The following PRELID2 variants were observed in gnomAD, a reference collection of about 807,000 sequenced individuals.
PRELID2 encodes the protein PRELI domain containing 2.
A neutral mutation model predicts 28.4 loss-of-function variants in PRELID2; 25 were observed. That is an observed-to-expected ratio of 0.88 (90% CI 0.64 to 1.23). The LOEUF is 1.23. Ranked by LOEUF, PRELID2 falls within the 50% of genes most tolerant of loss-of-function variation. The probability of loss-of-function intolerance (pLI) is 0.00; values close to 1 mark genes in which losing one functional copy is unlikely to be tolerated. For missense variants in PRELID2, 201 were observed against 214.4 expected (o/e 0.94, Z 0.39); for synonymous variants, 76 against 71.6 (o/e 1.06, Z -0.31).
At position 145,692,210 on chromosome 5, in the gene PRELID2, T is replaced by C. The variant is rs1233007976; in HGVS notation, n.70+72721A>G. Among the ~76,000 whole-genome samples the C allele has an allele frequency of 1.1e-4, 17 of 152,292 alleles. No individual in the cohort carries two copies. The East Asian group carries it at 2.3e-3, about 21-fold the overall frequency. On this transcript the variant is annotated intron_variant and non_coding_transcript_variant, in intron 1 of 2. Transcript: ENST00000510259. ...GGCATTTATAACAGTGCTGAGCACATAGTATGCTCAATTAATGCTTATTGA... is the reference window on the plus strand; with the variant it reads ...GGCATTTATAACAGTGCTGAGCACACAGTATGCTCAATTAATGCTTATTGA...
intron 1 of PRELID2, among the ~76,000 whole-genome samples, chr5:145,512,582 C>T (rs1372761128): frequency 1.3e-5 from 2 of 152,190 alleles, no homozygotes; most frequent in Non-Finnish European, 2.9e-5. Flanking sequence ...AATGTTCTTG[C>T]CTGCCAGCTC....
the PRELID2 span, among the ~76,000 whole-genome samples, chr5:145,402,000 T>G: frequency 6.6e-6 from 1 of 152,264 alleles, no homozygotes; most frequent in East Asian, 1.9e-4. Flanking sequence ...GCCACAACCA[T>G]AGTTGATTAT....
At chr5:145,399,060 G>A in the PRELID2 span, among the ~76,000 whole-genome samples, 2 of 152,070 alleles carry the variant, frequency 1.3e-5, no homozygotes, top group Non-Finnish European at 2.9e-5. Flanking sequence ...GAAGTGGAGG[G>A]CTAACCCAAG....
At chr5:145,808,430 GC>G (rs1753680001) in intron 4 of PRELID2, among the ~76,000 whole-genome samples, 1 of 152,148 alleles carries the variant, frequency 6.6e-6, no homozygotes, top group Non-Finnish European at 1.5e-5. Context: ...CTCAGCACAT[GC>G]AAATTATACT....
rs557103968 is a variant in PRELID2 at position 145,512,519 on chromosome 5, C to T, written n.71-39204G>A. On this transcript the variant is annotated intron_variant and non_coding_transcript_variant, in intron 1 of 2. Transcript: ENST00000510259. Reference sequence around the variant, plus strand: ...GTAAGGGGCTTATAGATCAAACTCCCATCTCCCAGGGACAAAGCACCTGGG... The same window carrying T: ...GTAAGGGGCTTATAGATCAAACTCCTATCTCCCAGGGACAAAGCACCTGGG... Among the ~76,000 whole-genome samples the T allele has an allele frequency of 2.2e-4, 34 of 152,358 alleles. No homozygotes were observed. The South Asian group carries it at 3.9e-3, about 18-fold the overall frequency.
At chr5:145,365,246 A>C in the PRELID2 span, among the ~76,000 whole-genome samples, 1 of 151,966 alleles carries the variant, frequency 6.6e-6, no homozygotes, top group Admixed American at 6.6e-5. Flanking sequence ...GTGTTTTAAA[A>C]TTACTGAAGG....
Position 145,802,419 on chromosome 5 carries a change from A to G in PRELID2, c.369-5872T>C, listed in dbSNP as rs146267656. 2.1e-3 allele frequency among the ~76,000 whole-genome samples: 318 copies of G among 152,366 alleles called. 1 individual carries two copies. Among genetic ancestry groups the G allele is most frequent in the African/African-American group, 7.4e-3 (308 of 41,590 alleles). ...TTTCTTCATTGAATCCTCAATTTCA[A>G]TTGCAAAGACTAGCGCACGGTAGGA... On this transcript the variant is annotated intron_variant, in intron 4 of 6. Transcript: ENST00000683046.
the PRELID2 span, among the ~76,000 whole-genome samples, chr5:145,431,372 TTAAA>T: frequency 6.6e-6 from 1 of 152,130 alleles, no homozygotes; most frequent in Non-Finnish European, 1.5e-5. Flanking sequence ...CCATACTGAT[TTAAA>T]TAAATAAACG....
At chr5:145,395,074 T>C in the PRELID2 span, among the ~76,000 whole-genome samples, 5 of 152,126 alleles carry the variant, frequency 3.3e-5, no homozygotes, top group Non-Finnish European at 7.3e-5. Flanking sequence ...TAATAGTAAA[T>C]ATTTATTGTA....
the PRELID2 span, among the ~76,000 whole-genome samples, chr5:145,417,771 TA>T: frequency 6.6e-6 from 1 of 151,908 alleles, no homozygotes; most frequent in South Asian, 2.1e-4. Context: ...CCATACACGA[TA>T]AATCCACAGC....
the PRELID2 span, among the ~76,000 whole-genome samples, chr5:145,398,766 C>G: frequency 6.6e-6 from 1 of 151,662 alleles, no homozygotes; most frequent in Non-Finnish European, 1.5e-5. Flanking sequence ...CAGAGAATGA[C>G]GAAACCAAGA....
chr5:145,559,319 T>C (rs1451554932), intron 1 of PRELID2, among the ~76,000 whole-genome samples: 3 of 151,766 alleles, frequency 2.0e-5, no homozygotes, highest in Non-Finnish European at 4.4e-5. Flanking sequence ...GAGAAATGAT[T>C]TTATAAATTA....
chr5:145,231,989 CTCTG>C, the PRELID2 span, among the ~76,000 whole-genome samples: 11 of 152,108 alleles, frequency 7.2e-5, no homozygotes, highest in African/African-American at 2.7e-4. Context: ...AAACCTCTCT[CTCTG>C]TGTCTTGCAC....
intron 1 of PRELID2, among the ~76,000 whole-genome samples, chr5:145,514,484 C>A (rs74794003): frequency 6.6e-6 from 1 of 152,108 alleles, no homozygotes; most frequent in Non-Finnish European, 1.5e-5. Context: ...TAAAGGTGCA[C>A]CCAGATTGAT....
the PRELID2 span, among the ~76,000 whole-genome samples, chr5:145,349,586 A>G: frequency 2.6e-5 from 4 of 152,154 alleles, no homozygotes; most frequent in African/African-American, 9.6e-5. Context: ...GGACAAAAAC[A>G]TATTATCTTC....
At chr5:145,493,532 A>G (rs1018973844) in intron 1 of PRELID2, among the ~76,000 whole-genome samples, 1 of 152,094 alleles carries the variant, frequency 6.6e-6, no homozygotes, top group Non-Finnish European at 1.5e-5. Context: ...GGCTTTTAAA[A>G]TCTTACATGG....
chr5:145,827,452 A>C (rs778559782), intron 1 of PRELID2, among the ~76,000 whole-genome samples: 2 of 152,234 alleles, frequency 1.3e-5, no homozygotes, highest in African/African-American at 4.8e-5. Context: ...AACAAAGGGC[A>C]ACGAGCCAAG....
At chr5:145,447,472 T>C in the PRELID2 span, among the ~76,000 whole-genome samples, 2 of 52,776 alleles carry the variant, frequency 3.8e-5, no homozygotes, top group African/African-American at 1.2e-4. Context: ...GAAATTTTCT[T>C]TTTTTTTTTT....
At chr5:145,657,415 G>C (rs992979070) in intron 1 of PRELID2, among the ~76,000 whole-genome samples, 2 of 152,190 alleles carry the variant, frequency 1.3e-5, no homozygotes, top group Non-Finnish European at 1.5e-5. Flanking sequence ...AATGAGGATC[G>C]TGGCTCATGC....
Sources: gnomAD v4.1 joint callset for allele counts (sites outside exome capture counted in the v4.1 genomes callset) on GRCh38, gnomAD v4.1.1 for gene constraint, MANE v1.5 for transcripts, NCBI Gene and HGNC (gene_info 2026-07-23, HGNC 2026-07-21) for gene names.